Variants in RNF146 observed in about 807,000 individuals in gnomAD.
RNF146 encodes the protein E3 ubiquitin-protein ligase RNF146.
In RNF146, 11 loss-of-function variants were observed where a neutral mutation model predicts 29.7. The observed-to-expected ratio is 0.37, with a 90% CI of 0.23 to 0.61. The LOEUF (loss-of-function observed/expected upper bound fraction) is 0.61, where lower values mean the gene tolerates loss of function less well. RNF146 is among the 20% of genes least tolerant of loss of function. The pLI, the probability that RNF146 is intolerant of heterozygous loss-of-function variation, is 0.66. For synonymous variants in RNF146, 150 were observed against 159.7 expected (o/e 0.94, Z 0.46); for missense variants, 342 against 438.9 (o/e 0.78, Z 1.97).
At chr6:127,276,815 T>C (rs1778273142) in intron 1 of RNF146, among the ~76,000 whole-genome samples, 1 of 152,032 alleles carries the variant, frequency 6.6e-6, no homozygotes, top group Admixed American at 6.6e-5. Flanking sequence ...AAATTTAGGA[T>C]TTAAGGAACT....
intron 1 of RNF146, among the ~76,000 whole-genome samples, chr6:127,278,615 C>T (rs1778546013): frequency 6.6e-6 from 1 of 151,954 alleles, no homozygotes; most frequent in Non-Finnish European, 1.5e-5. Context: ...CACCTTTTGC[C>T]TAATATTTCC....
intron 1 of RNF146, among the ~76,000 whole-genome samples, chr6:127,273,912 G>A (rs778027482): frequency 6.6e-6 from 1 of 152,130 alleles, no homozygotes; most frequent in African/African-American, 2.4e-5. Context: ...TGGACTAGAG[G>A]AGTGTAATGA....
intron 1 of RNF146, among the ~76,000 whole-genome samples, chr6:127,276,193 TCTCA>T (rs761742746): frequency 6.6e-6 from 1 of 151,598 alleles, no homozygotes. Flanking sequence ...AGAGAGAGAA[TCTCA>T]CTCAAAGGCT....
intron 1 of RNF146, among the ~76,000 whole-genome samples, chr6:127,273,836 A>G (rs945015799): frequency 1.3e-5 from 2 of 152,184 alleles, no homozygotes; most frequent in African/African-American, 4.8e-5. Flanking sequence ...GCATTAATGT[A>G]TAGAAAGATA....
At chr6:127,275,608 G>C (rs554999534) in intron 1 of RNF146, among the ~76,000 whole-genome samples, 2 of 152,208 alleles carry the variant, frequency 1.3e-5, no homozygotes, top group South Asian at 4.1e-4. Context: ...CTTCACAAAT[G>C]AATTGAAATT....
chr6:127,274,770 A>G (rs1777965230), intron 1 of RNF146, among the ~76,000 whole-genome samples: 1 of 152,116 alleles, frequency 6.6e-6, no homozygotes, highest in African/African-American at 2.4e-5. Context: ...AAAAAACTTC[A>G]AGTTAGAATT....
rs546564064 is a variant in RNF146 at position 127,287,935 on chromosome 6, GTTTAC to G, written c.*247_*251del. The G allele has an allele frequency of 2.3e-3, 795 of 342,480 alleles. 2 individuals carry two copies. The highest frequency in any genetic ancestry group is 3.9e-3 in the Non-Finnish European group (699 of 178,224). 21.2% of individuals were successfully genotyped at this position (342,480 alleles called of 1,614,324 possible). A position where few individuals can be genotyped will look rare whatever the true frequency, so the allele number is the denominator to read the frequency against. On this transcript the variant is annotated 3_prime_UTR_variant, in exon 3 of 3. Coordinates refer to ENST00000368314, the MANE Select transcript of RNF146 (RefSeq NM_001242850.2). ...TAATAACCCAGTTTTCTTGAGGTCT[GTTTAC>G]TTTATACTTTTTAAAAACTTCTGTA...
At chr6:127,278,841 T>A (rs1425634800) in intron 1 of RNF146, among the ~76,000 whole-genome samples, 2 of 151,980 alleles carry the variant, frequency 1.3e-5, no homozygotes. Flanking sequence ...AGTTGTAGCC[T>A]CCTTATAGAT....
At chr6:127,282,644 T>A (rs1220898293) in intron 2 of RNF146, among the ~76,000 whole-genome samples, 1 of 151,718 alleles carries the variant, frequency 6.6e-6, no homozygotes, top group Non-Finnish European at 1.5e-5. Context: ...TCCCTCTAAT[T>A]ATCTTATACT....
chr6:127,283,640 A>G (rs972128844), intron 2 of RNF146, among the ~76,000 whole-genome samples: 2 of 151,826 alleles, frequency 1.3e-5, no homozygotes, highest in Non-Finnish European at 2.9e-5. Flanking sequence ...TTTTATCTCT[A>G]TCTTACTTAT....
rs548700075 is a variant in RNF146, at chr6:127,273,350, A to G, written c.-109+6425A>G. 3.9e-5 allele frequency among the ~76,000 whole-genome samples: 6 copies of G among 152,250 alleles called. 1 individual carries two copies. The South Asian group carries it at 1.2e-3, about 32-fold the overall frequency. On this transcript the variant is annotated intron_variant, in intron 1 of 2. Coordinates refer to ENST00000368314, the MANE Select transcript of RNF146 (RefSeq NM_001242850.2). ...TACATTTGTTTAAATTTCTTGTACCACCTCAAGTGGCACCATATGTGTCTG... is the reference window on the plus strand; with the variant it reads ...TACATTTGTTTAAATTTCTTGTACCGCCTCAAGTGGCACCATATGTGTCTG...
At chr6:127,283,212 G>T (rs1395921461) in intron 2 of RNF146, among the ~76,000 whole-genome samples, 1 of 151,710 alleles carries the variant, frequency 6.6e-6, no homozygotes, top group Non-Finnish European at 1.5e-5. Flanking sequence ...TTAAAAGTTG[G>T]AATATCACAT....
chr6:127,277,496 ATAT>A (rs1778372080), intron 1 of RNF146, among the ~76,000 whole-genome samples: 2 of 152,124 alleles, frequency 1.3e-5, no homozygotes, highest in East Asian at 3.9e-4. Context: ...AATAGAATAT[ATAT>A]ATGAGTTTAT....
intron 1 of RNF146, among the ~76,000 whole-genome samples, chr6:127,268,048 C>T (rs1311022728): frequency 6.8e-6 from 1 of 147,970 alleles, no homozygotes; most frequent in Non-Finnish European, 1.5e-5. Context: ...TCTCTAAGTG[C>T]CATTTTAGTG....
At chr6:127,268,414 T>C (rs1020822458) in intron 1 of RNF146, among the ~76,000 whole-genome samples, 2 of 152,222 alleles carry the variant, frequency 1.3e-5, no homozygotes, top group African/African-American at 4.8e-5. Context: ...TGCTGTTTTA[T>C]GATTAGCAAA....
At position 127,287,229 on chromosome 6, in the gene RNF146, GCA is replaced by G; in HGVS notation, c.619_620del (p.Gln207GlufsTer31). ...SSADGADSVSAQSGASVQPLV... is the reference protein window; with the variant it reads ...SSADGADSVSXQSGASVQPLV... ...TGCTGACGGAGCGGACAGTGTATCA[GCA>G]CAGAGTGGAGCTTCTGTTCAGCCCC... On this transcript the variant is annotated frameshift_variant, in exon 3 of 3. Transcript: ENST00000368314. LOFTEE classifies it high-confidence loss of function. 1.2e-6 allele frequency: 2 copies of G among 1,613,384 alleles called. No homozygotes were observed. Among genetic ancestry groups the G allele is most frequent in the Non-Finnish European group, 1.7e-6 (2 of 1,179,640 alleles).
chr6:127,285,443 T>C (rs6569479), intron 2 of RNF146: 428,817 of 573,868 alleles, frequency 0.75, 160,273 homozygotes, highest in East Asian at 0.78. Flanking sequence ...TTTTAAGCTT[T>C]CAATCTCTGA....
intron 2 of RNF146, chr6:127,280,549 T>C: frequency 8.1e-7 from 1 of 1,238,920 alleles, no homozygotes; most frequent in Non-Finnish European, 1.0e-6. Context: ...AAAGTCTCTA[T>C]AAGAAAAACT....
In RNF146 at chr6:127,280,284, T is replaced by TG; in HGVS notation, c.-53dup. On this transcript the variant is annotated 5_prime_UTR_variant, in exon 2 of 3. An upstream open reading frame in the 5' UTR loses its in-frame stop. Transcript: ENST00000368314. Reference sequence around the variant, plus strand: ...AAAATACTGTAAGCTGGCTGACTGCTGGTGAAGAAAATGCTTTATTTTTGT... The same window carrying TG: ...AAAATACTGTAAGCTGGCTGACTGCTGGGTGAAGAAAATGCTTTATTTTTGT... 6.5e-7 allele frequency: 1 copy of TG among 1,539,392 alleles called. No homozygotes were observed. Among genetic ancestry groups the TG allele is most frequent in the Non-Finnish European group, 8.8e-7 (1 of 1,137,726 alleles).
Sources: gnomAD v4.1 joint callset for allele counts (sites outside exome capture counted in the v4.1 genomes callset) on GRCh38, gnomAD v4.1.1 for gene constraint, MANE v1.5 for transcripts, NCBI Gene and HGNC (gene_info 2026-07-23, HGNC 2026-07-21) for gene names.